Variants in CHN2 observed in about 807,000 individuals in gnomAD.
CHN2 encodes the protein chimerin 2.
In CHN2, 35 loss-of-function variants were observed where a neutral mutation model predicts 56.3. The ratio of observed to expected loss-of-function variants is 0.62; its 90% confidence interval spans 0.47 to 0.82. The LOEUF (loss-of-function observed/expected upper bound fraction) is 0.82. CHN2 is among the 40% of genes least tolerant of loss of function. CHN2 has a pLI of 0.00. For missense variants in CHN2, 491 were observed against 580.5 expected (o/e 0.85, Z 1.58); for synonymous variants, 210 against 212.8 (o/e 0.99, Z 0.12).
chr7:29,409,054 C>T (rs961081786), intron 6 of CHN2, among the ~76,000 whole-genome samples: 1 of 152,224 alleles, frequency 6.6e-6, no homozygotes, highest in Non-Finnish European at 1.5e-5. Context: ...TCCATTGAGT[C>T]ATCCCACTTT....
intron 2 of CHN2, among the ~76,000 whole-genome samples, chr7:29,179,859 T>C (rs1185840861): frequency 6.6e-6 from 1 of 152,242 alleles, no homozygotes; most frequent in Non-Finnish European, 1.5e-5. Context: ...ATTTATTTAT[T>C]ATTGCAAGCA....
At chr7:29,197,603 A>C (rs946524532) in intron 1 of CHN2, among the ~76,000 whole-genome samples, 1 of 152,232 alleles carries the variant, frequency 6.6e-6, no homozygotes, top group Non-Finnish European at 1.5e-5. Context: ...GGAGACATGA[A>C]TCCAACACAC....
intron 3 of CHN2, among the ~76,000 whole-genome samples, chr7:29,388,851 G>A (rs1442535540): frequency 3.9e-5 from 6 of 152,336 alleles, no homozygotes; most frequent in Middle Eastern, 3.4e-3. Flanking sequence ...ACGGTGTGTG[G>A]ACTGTGGATA....
chr7:29,373,367 C>T (rs1336913175), intron 3 of CHN2, among the ~76,000 whole-genome samples: 2 of 151,828 alleles, frequency 1.3e-5, no homozygotes, highest in African/African-American at 4.8e-5. Context: ...TAGACACAGG[C>T]TTTTACCATA....
intron 1 of CHN2, among the ~76,000 whole-genome samples, chr7:29,287,193 C>T (rs1358768244): frequency 6.6e-6 from 1 of 152,142 alleles, no homozygotes; most frequent in Non-Finnish European, 1.5e-5. Context: ...TTTGCTGAGT[C>T]TCCTGGCAAA....
chr7:29,512,631 C>G lies in CHN2; in HGVS notation c.1303C>G (p.Leu435Val), dbSNP rs1433112786. The G allele has an allele frequency of 5.6e-6, 9 of 1,614,160 alleles. No homozygotes were observed. Among genetic ancestry groups the G allele is most frequent in the Non-Finnish European group, 6.8e-6 (8 of 1,180,016 alleles). ...ENLGIVFGPT[L>V]MRPPEDSTLT... ...TCTGGGGATCGTGTTTGGGCCCACTCTGATGAGGCCCCCTGAGGACAGCAC... is the reference window on the plus strand; with the variant it reads ...TCTGGGGATCGTGTTTGGGCCCACTGTGATGAGGCCCCCTGAGGACAGCAC... The change falls in exon 13 of 13, where the codon CTG becomes GTG. Residue 435 changes from leucine (L) to valine (V), a missense_variant. By Grantham distance (32) the Leu-to-Val change is conservative. Coordinates refer to ENST00000222792, the MANE Select transcript of CHN2 (RefSeq NM_004067.4).
intron 1 of CHN2, among the ~76,000 whole-genome samples, chr7:29,339,471 C>G (rs1169605658): frequency 2.6e-5 from 4 of 152,132 alleles, no homozygotes; most frequent in African/African-American, 9.7e-5. Context: ...CACCTCATTC[C>G]TTTTTGTGCC....
At chr7:29,377,442 C>A (rs1800157996) in intron 3 of CHN2, among the ~76,000 whole-genome samples, 1 of 152,178 alleles carries the variant, frequency 6.6e-6, no homozygotes, top group Admixed American at 6.5e-5. Context: ...TGCATGAATC[C>A]TTGCTAGATT....
chr7:29,400,304 A>G, intron 5 of CHN2: 1 of 556,890 alleles, frequency 1.8e-6, no homozygotes, highest in Non-Finnish European at 3.3e-6. Context: ...CCAGTCATAT[A>G]AACTCAAGCA....
At chr7:29,236,507 T>C (rs1254599505) in intron 1 of CHN2, among the ~76,000 whole-genome samples, 1 of 152,202 alleles carries the variant, frequency 6.6e-6, no homozygotes, top group African/African-American at 2.4e-5. Context: ...ACTACATGAG[T>C]TGTGATTTCA....
At chr7:29,260,610 C>T (rs1339762537) in intron 1 of CHN2, among the ~76,000 whole-genome samples, 1 of 152,098 alleles carries the variant, frequency 6.6e-6, no homozygotes, top group Non-Finnish European at 1.5e-5. Flanking sequence ...GTAGCTCTGC[C>T]AGCCGGGATC....
intron 1 of CHN2, among the ~76,000 whole-genome samples, chr7:29,217,085 GC>G (rs766641287): frequency 5.9e-5 from 9 of 152,174 alleles, no homozygotes; most frequent in South Asian, 2.1e-4. Context: ...AATAATGTAA[GC>G]GAACTAACCG....
chr7:29,476,306 G>A (rs755734258), intron 6 of CHN2, among the ~76,000 whole-genome samples: 2 of 149,656 alleles, frequency 1.3e-5, no homozygotes, highest in Non-Finnish European at 3.0e-5. Flanking sequence ...GGAGAACAAG[G>A]TGGGTGGATC....
intron 6 of CHN2, among the ~76,000 whole-genome samples, chr7:29,425,438 G>C (rs913350958): frequency 6.6e-6 from 1 of 151,696 alleles, no homozygotes; most frequent in Admixed American, 6.6e-5. Context: ...AAGAAACTCA[G>C]GTTTTGGGAT....
intron 2 of CHN2, among the ~76,000 whole-genome samples, chr7:29,364,450 A>T (rs1324963140): frequency 6.6e-6 from 1 of 152,246 alleles, no homozygotes; most frequent in African/African-American, 2.4e-5. Context: ...AGAGGCATTG[A>T]CAATGGGAAG....
upstream of CHN2, chr7:29,192,099 G>A (rs1346443785): frequency 2.0e-5 from 3 of 152,168 alleles, no homozygotes; most frequent in Non-Finnish European, 4.4e-5. Flanking sequence ...AAAATAATGG[G>A]TGTCAAAGTT....
At position 29,405,041 on chromosome 7, in the gene CHN2, C is replaced by T. The variant is rs866136861; in HGVS notation, c.576+4213C>T. Among the ~76,000 whole-genome samples the T allele has an allele frequency of 5.3e-5, 8 of 152,050 alleles. No homozygotes were observed. In the South Asian group the frequency reaches 1.2e-3, roughly 24 times the overall value. On this transcript the variant is annotated intron_variant, in intron 6 of 12. Coordinates refer to ENST00000222792, the MANE Select transcript of CHN2 (RefSeq NM_004067.4). ...GACTCTTGGAATTTTAAACCGTGAT[C>T]GATGCAGTGCCCTATTTAAAAATTT...
chr7:29,176,208 G>GA (rs1234971475), intron 2 of CHN2, among the ~76,000 whole-genome samples: 1 of 150,400 alleles, frequency 6.6e-6, no homozygotes, highest in Non-Finnish European at 1.5e-5. Context: ...ACAGATAAAA[G>GA]AAAAAAAAGA....
At chr7:29,385,318 C>T (rs1800832558) in intron 3 of CHN2, among the ~76,000 whole-genome samples, 1 of 152,126 alleles carries the variant, frequency 6.6e-6, no homozygotes, top group Non-Finnish European at 1.5e-5. Context: ...GAATACTTAA[C>T]AATTCAAAGT....
Sources: allele counts gnomAD v4.1 joint callset (sites outside exome capture counted in the v4.1 genomes callset), GRCh38; gene constraint gnomAD v4.1.1; transcripts MANE v1.5; gene names NCBI Gene and HGNC (gene_info 2026-07-23, HGNC 2026-07-21).